Variants in CELA1 observed in about 807,000 individuals in gnomAD.
CELA1 encodes chymotrypsin like elastase 1, also known as chymotrypsin-like elastase family member 1.
A neutral mutation model predicts 34.8 loss-of-function variants in CELA1; 28 were observed. That is an observed-to-expected ratio of 0.80 (90% CI 0.60 to 1.10). The LOEUF (loss-of-function observed/expected upper bound fraction) is 1.10. CELA1 is among the 50% of genes least tolerant of loss of function. CELA1 has a pLI of 0.00. For missense variants in CELA1, 288 were observed against 327.5 expected (o/e 0.88, Z 0.93); for synonymous variants, 140 against 129.8 (o/e 1.08, Z -0.53).
chr12:51,344,367 T>C (rs1278265982), intron 2 of CELA1, among the ~76,000 whole-genome samples: 2 of 152,188 alleles, frequency 1.3e-5, no homozygotes, highest in Non-Finnish European at 2.9e-5. Context: ...AACTCCTTTT[T>C]TGGAACTCCT....
intron 5 of CELA1, 123 bp downstream of exon 5, chr12:51,341,121 T>C (rs1946531707): frequency 2.1e-5 from 20 of 952,060 alleles, no homozygotes; most frequent in East Asian, 7.2e-5. Flanking sequence ...TTATTGTATC[T>C]ATGGTTCTTT....
intron 6 of CELA1, among the ~76,000 whole-genome samples, chr12:51,335,629 C>CTTT (rs11410624): frequency 1.8e-4 from 24 of 135,374 alleles, no homozygotes; most frequent in Non-Finnish European, 3.0e-4. Context: ...TTTGTTCTTC[C>CTTT]TTTTTTTTTT....
At chr12:51,341,193 G>A (rs1476222694) in intron 5 of CELA1, 51 bp downstream of exon 5, 2 of 1,606,774 alleles carry the variant, frequency 1.2e-6, no homozygotes, top group Admixed American at 1.7e-5. Context: ...TAGAAGCTCA[G>A]CTACCTAATC....
At chr12:51,343,076 C>A (rs765610788) in intron 3 of CELA1, among the ~76,000 whole-genome samples, 10 of 152,142 alleles carry the variant, frequency 6.6e-5, no homozygotes, top group Non-Finnish European at 1.2e-4. Context: ...GTGAAAAAAA[C>A]TACCATCACT....
chr12:51,331,827 C>T (rs1946471452), intron 6 of CELA1, among the ~76,000 whole-genome samples: 2 of 152,194 alleles, frequency 1.3e-5, no homozygotes, highest in South Asian at 4.1e-4. Context: ...GAAAAACTGA[C>T]TATATTAAGC....
chr12:51,336,221 TTA>T (rs1946498772), intron 6 of CELA1, among the ~76,000 whole-genome samples: 2 of 152,224 alleles, frequency 1.3e-5, no homozygotes, highest in South Asian at 4.1e-4. Context: ...ACTCAAGTAT[TTA>T]TGTTCTGACA....
chr12:51,338,388 G>A (rs1008033014), intron 6 of CELA1, among the ~76,000 whole-genome samples: 33 of 151,344 alleles, frequency 2.2e-4, no homozygotes, highest in Admixed American at 2.1e-3. Context: ...AGCTAGATTC[G>A]GCTTGTGGAC....
chr12:51,335,978 C>A (rs1308689267), intron 6 of CELA1, among the ~76,000 whole-genome samples: 1 of 152,106 alleles, frequency 6.6e-6, no homozygotes, highest in Non-Finnish European at 1.5e-5. Flanking sequence ...ACCCTTCGGA[C>A]AAGCTTCTGC....
intron 6 of CELA1, among the ~76,000 whole-genome samples, chr12:51,334,840 C>T (rs1006034120): frequency 6.6e-6 from 1 of 152,188 alleles, no homozygotes; most frequent in African/African-American, 2.4e-5. Context: ...TTACCCCAAT[C>T]ATGCAGGAAA....
rs141477917 is a variant in CELA1, at chr12:51,342,752, T to G, written c.201-52A>C. The G allele has an allele frequency of 6.5e-4, 1,026 of 1,569,576 alleles. 9 individuals are homozygous for G. In the African/African-American group the frequency reaches 0.013, roughly 20 times the overall value. On this transcript the variant is annotated intron_variant, in intron 3 of 7. Transcript: ENST00000293636. ...TCATCCAGGGGACTCAAACCTTCTC[T>G]ACCCCACTTAGAGAAAAGTTGAAAA...
intron 2 of CELA1, 39 bp downstream of exon 2, chr12:51,345,756 T>G: frequency 7.1e-7 from 1 of 1,403,914 alleles, no homozygotes; most frequent in Non-Finnish European, 9.9e-7. Context: ...ACTGAGCTCT[T>G]ATTTGGGTGG....
chr12:51,335,692 C>T (rs568069364), intron 6 of CELA1, among the ~76,000 whole-genome samples: 11 of 150,378 alleles, frequency 7.3e-5, no homozygotes, highest in Middle Eastern at 3.4e-3. Context: ...GCCGGAGTGC[C>T]GTGGTGCGAT....
At chr12:51,334,583 G>A (rs568460334) in intron 6 of CELA1, among the ~76,000 whole-genome samples, 121 of 152,096 alleles carry the variant, frequency 8.0e-4, no homozygotes, top group South Asian at 2.3e-3. Context: ...ACAGGCACCC[G>A]CCACCACACC....
Position 51,342,594 on chromosome 12 carries a change from T to C in CELA1, c.307A>G (p.Ser103Gly). 1 of 1,614,210 alleles carries C rather than the reference T, an allele frequency of 6.2e-7. No homozygotes were observed. The highest frequency in any genetic ancestry group is 8.5e-7 in the Non-Finnish European group (1 of 1,180,022). The change falls in exon 4 of 8, where the codon AGC becomes GGC. Residue 103 changes from serine to glycine, a missense_variant. Coordinates refer to ENST00000293636, the MANE Select transcript of CELA1 (RefSeq NM_001971.6). Reference sequence around the variant, plus strand: ...TCCTACCCGGCAGCCACGTTATCGCTGTTCCAGTATGGATGCACCACGATC... The same window carrying C: ...TCCTACCCGGCAGCCACGTTATCGCCGTTCCAGTATGGATGCACCACGATC... ...QKIVVHPYWN[S>G]DNVAAGYDIA... is the part of the protein sequence containing the mutation.
At chr12:51,346,042 T>C (rs1299886145) in intron 1 of CELA1, among the ~76,000 whole-genome samples, 165 bp from the exon 2 acceptor site, 1 of 152,074 alleles carries the variant, frequency 6.6e-6, no homozygotes, top group Non-Finnish European at 1.5e-5. Context: ...GAGCCCCTTT[T>C]GAAAACAGGG....
intron 6 of CELA1, among the ~76,000 whole-genome samples, chr12:51,330,679 G>T (rs1270003618): frequency 6.6e-6 from 1 of 152,192 alleles, no homozygotes; most frequent in Non-Finnish European, 1.5e-5. Context: ...AACATCTAAA[G>T]AATGCCTCTA....
chr12:51,341,739 A>T (rs1368737305), intron 4 of CELA1, among the ~76,000 whole-genome samples: 1 of 152,146 alleles, frequency 6.6e-6, no homozygotes, highest in Non-Finnish European at 1.5e-5. Context: ...CAAGCTCAGT[A>T]GAATATCCCA....
At chr12:51,337,322 G>A (rs187775680) in intron 6 of CELA1, among the ~76,000 whole-genome samples, 1 of 152,190 alleles carries the variant, frequency 6.6e-6, no homozygotes, top group Non-Finnish European at 1.5e-5. Flanking sequence ...ATTGCTTGAG[G>A]CCAGGAGTTC....
intron 6 of CELA1, among the ~76,000 whole-genome samples, chr12:51,333,405 G>GTTT (rs35636954): frequency 1.3e-4 from 18 of 137,938 alleles, no homozygotes; most frequent in Admixed American, 8.8e-4. Context: ...TTTTTTTTTT[G>GTTT]TTTTTTTTTT....
Sources: allele counts gnomAD v4.1 joint callset (sites outside exome capture counted in the v4.1 genomes callset), GRCh38; gene constraint gnomAD v4.1.1; transcripts MANE v1.5; gene names NCBI Gene and HGNC (gene_info 2026-07-23, HGNC 2026-07-21).